LRRC1: variants seen among roughly 807,000 people sequenced by gnomAD.
LRRC1 encodes the protein leucine-rich repeat-containing protein 1.
A neutral mutation model predicts 69.9 loss-of-function variants in LRRC1; 28 were observed. The ratio of observed to expected loss-of-function variants is 0.40; its 90% confidence interval spans 0.30 to 0.55. The LOEUF (loss-of-function observed/expected upper bound fraction) is 0.55. Ranked by LOEUF, LRRC1 falls within the 20% of genes least tolerant of loss-of-function variation. The pLI is 0.47. For synonymous variants in LRRC1, 236 were observed against 240.2 expected (o/e 0.98, Z 0.16); for missense variants, 498 against 609.0 (o/e 0.82, Z 1.92).
At chr6:53,892,011 T>TATATACACAC (rs1428852703) in intron 4 of LRRC1, among the ~76,000 whole-genome samples, 11 of 135,374 alleles carry the variant, frequency 8.1e-5, no homozygotes, top group African/African-American at 2.0e-4. Context: ...TATATATATA[T>TATATACACAC]ACACACACAC....
chr6:53,902,779 C>A, intron 9 of LRRC1, 32 bp downstream of exon 9: 1 of 1,317,486 alleles, frequency 7.6e-7, no homozygotes, highest in Non-Finnish European at 1.1e-6. Context: ...ATCATAAAGA[C>A]TTACTAGGGT....
chr6:53,817,578 G>A (rs190800061), intron 1 of LRRC1, among the ~76,000 whole-genome samples: 44 of 152,236 alleles, frequency 2.9e-4, no homozygotes, highest in African/African-American at 9.9e-4. Flanking sequence ...CCTTAAGAAT[G>A]AATGGGGATT....
At chr6:53,878,243 G>A (rs1381851487) in intron 2 of LRRC1, among the ~76,000 whole-genome samples, 4 of 152,120 alleles carry the variant, frequency 2.6e-5, no homozygotes, top group Non-Finnish European at 5.9e-5. Context: ...TTTGGGTGGG[G>A]ACACAACCAA....
At chr6:53,850,550 CAG>C (rs1766093730) in intron 2 of LRRC1, among the ~76,000 whole-genome samples, 1 of 152,214 alleles carries the variant, frequency 6.6e-6, no homozygotes, top group Non-Finnish European at 1.5e-5. Flanking sequence ...AACTAAAACT[CAG>C]TGCATAATAA....
intron 8 of LRRC1, 112 bp from the exon 9 acceptor site, chr6:53,902,517 A>G (rs754176333): frequency 3.5e-6 from 2 of 572,580 alleles, no homozygotes; most frequent in Non-Finnish European, 6.0e-6. Flanking sequence ...ATGAGGAAAA[A>G]ATAAGTAACT....
intron 1 of LRRC1, among the ~76,000 whole-genome samples, chr6:53,829,236 T>C (rs552040064): frequency 3.3e-5 from 5 of 152,354 alleles, no homozygotes; most frequent in East Asian, 1.9e-4. Context: ...AGGTAATCTC[T>C]CTGTGCTTCA....
intron 1 of LRRC1, among the ~76,000 whole-genome samples, chr6:53,841,042 A>G (rs1765772180): frequency 6.6e-6 from 1 of 152,098 alleles, no homozygotes; most frequent in Non-Finnish European, 1.5e-5. Context: ...TTATAGGAAG[A>G]TTAGTGTCTG....
At chr6:53,891,857 T>A (rs994116874) in intron 4 of LRRC1, among the ~76,000 whole-genome samples, 3 of 151,738 alleles carry the variant, frequency 2.0e-5, no homozygotes, top group African/African-American at 7.3e-5. Context: ...CTGGGTGTGG[T>A]GGTGCATGCC....
At chr6:53,875,472 GTGTGTGT>G (rs1266558584) in intron 2 of LRRC1, among the ~76,000 whole-genome samples, 1 of 151,854 alleles carries the variant, frequency 6.6e-6, no homozygotes, top group Non-Finnish European at 1.5e-5. Flanking sequence ...GTGCACACGT[GTGTGTGT>G]GACAAGTAAA....
chr6:53,820,232 T>G (rs1357889152), intron 1 of LRRC1, among the ~76,000 whole-genome samples: 2 of 151,752 alleles, frequency 1.3e-5, no homozygotes, highest in African/African-American at 2.4e-5. Flanking sequence ...GGAAAGAAAA[T>G]AAAAGCTGGA....
intron 13 of LRRC1, among the ~76,000 whole-genome samples, chr6:53,921,853 T>C (rs965212015): frequency 6.6e-6 from 1 of 152,214 alleles, no homozygotes; most frequent in Admixed American, 6.5e-5. Flanking sequence ...AATCACTCAC[T>C]GTGGATGACT....
chr6:53,829,985 A>G (rs2127412035), intron 1 of LRRC1, among the ~76,000 whole-genome samples: 1 of 152,326 alleles, frequency 6.6e-6, no homozygotes, highest in Non-Finnish European at 1.5e-5. Flanking sequence ...TGTGCTGAAC[A>G]AGGTACTCAC....
At chr6:53,918,633 T>C (rs1768644312) in intron 11 of LRRC1, among the ~76,000 whole-genome samples, 1 of 152,234 alleles carries the variant, frequency 6.6e-6, no homozygotes, top group Non-Finnish European at 1.5e-5. Context: ...CTATTACTTT[T>C]GGTAAGATGT....
At position 53,840,921 on chromosome 6, in the gene LRRC1, TGTGTGTGC is replaced by T. The variant is rs1169156053; in HGVS notation, c.160-1185_160-1178del. Among the ~76,000 whole-genome samples the T allele has an allele frequency of 5.7e-3, 834 of 145,068 alleles. 2 individuals carry two copies. The highest frequency in any genetic ancestry group is 8.3e-3 in the Admixed American group (114 of 13,782). ...GTGTGTGTGTGTGTGTGTGTGTGTG[TGTGTGTGC>T]GTGCGCGCACATTCTCTTTCTTGCA... On this transcript the variant is annotated intron_variant, in intron 1 of 13. Transcript: ENST00000370888.
At chr6:53,897,472 CAT>C in intron 7 of LRRC1, 113 bp downstream of exon 7, 1 of 707,744 alleles carries the variant, frequency 1.4e-6, no homozygotes, top group Non-Finnish European at 2.3e-6. Context: ...AAACCAAAAA[CAT>C]TGATTGAAAA....
At chr6:53,906,785 T>G (rs1768254722) in intron 10 of LRRC1, among the ~76,000 whole-genome samples, 1 of 152,270 alleles carries the variant, frequency 6.6e-6, no homozygotes, top group Admixed American at 6.5e-5. Context: ...GTTTTCTGGC[T>G]TCTGGCATTT....
intron 2 of LRRC1, among the ~76,000 whole-genome samples, chr6:53,848,384 T>C (rs1356347782): frequency 2.0e-5 from 3 of 152,256 alleles, no homozygotes; most frequent in African/African-American, 7.2e-5. Context: ...ATCAGGCTTC[T>C]GTGATGTTTT....
At chr6:53,800,894 C>T (rs1581838457) in intron 1 of LRRC1, among the ~76,000 whole-genome samples, 1 of 152,278 alleles carries the variant, frequency 6.6e-6, no homozygotes, top group South Asian at 2.1e-4. Flanking sequence ...CCCGCCTCAG[C>T]CTCCCAAAGT....
intron 7 of LRRC1, among the ~76,000 whole-genome samples, chr6:53,898,747 C>T (rs1767952970): frequency 6.6e-6 from 1 of 152,138 alleles, no homozygotes; most frequent in Non-Finnish European, 1.5e-5. Context: ...TAGTATAAAT[C>T]TAGTCTAGTT....
Sources: gnomAD v4.1 joint callset for allele counts (sites outside exome capture counted in the v4.1 genomes callset) on GRCh38, gnomAD v4.1.1 for gene constraint, MANE v1.5 for transcripts, NCBI Gene and HGNC (gene_info 2026-07-23, HGNC 2026-07-21) for gene names.